Variants in COPS6 observed in about 807,000 individuals in gnomAD.
COPS6 encodes the protein COP9 signalosome subunit 6, also known as COP9 signalosome complex subunit 6.
In COPS6, 9 loss-of-function variants were observed where a neutral mutation model predicts 41.0. The observed-to-expected ratio is 0.22, with a 90% CI of 0.13 to 0.38. The LOEUF (loss-of-function observed/expected upper bound fraction) is 0.38. Among genes scored for constraint, COPS6 ranks in the 10% least tolerant of loss-of-function variants. The pLI is 1.00. For missense variants in COPS6, 302 were observed against 436.7 expected, an observed-to-expected ratio of 0.69 and a Z score of 2.75; for synonymous variants, 179 against 162.9, an observed-to-expected ratio of 1.10 and a Z score of -0.75.
In COPS6 at chr7:100,091,222, C is replaced by T. The variant is rs746808271; in HGVS notation, c.650-16C>T. ...ACATCCCGTCTCAACCTCCTCCTGT[C>T]CTCATCCCCTTGCAGTGGCTGAACA... On this transcript the variant is annotated splice_polypyrimidine_tract_variant and intron_variant, in intron 7 of 9. Coordinates refer to ENST00000303904, the MANE Select transcript of COPS6 (RefSeq NM_006833.5). The surrounding 1 kb of genome is among the most constrained non-coding windows in gnomAD (Gnocchi z 4.1). The T allele has an allele frequency of 3.1e-6, 5 of 1,614,058 alleles. No individual in the cohort carries two copies. In the Admixed American group the frequency reaches 6.7e-5, roughly 22 times the overall value.
At chr7:100,090,349 GAAA>G (rs376860735) in intron 3 of COPS6, 47 bp from the exon 4 acceptor site, 854 of 1,163,104 alleles carry the variant, frequency 7.3e-4, no homozygotes, top group Non-Finnish European at 8.1e-4. Flanking sequence ...TTCCGTCTCA[GAAA>G]AAAAAAAAAA....
At position 100,091,653 on chromosome 7, in the gene COPS6, G is replaced by C. The variant is rs1223236912; in HGVS notation, c.848G>C (p.Cys283Ser). ...GTCCTTTCTGTTCCCTCCCAGCAAT[G>C]CAACGACGTGGGGCTCATGGCCTAC... ...DKFKTDFYDQ[C>S]NDVGLMAYLG... The change falls in exon 10 of 10, where the codon TGC becomes TCC. Residue 283 changes from cysteine (C) to serine (S), a missense_variant. Transcript: ENST00000303904. This position sits in a 1 kb window ranked among gnomAD's most constrained non-coding sequence, Gnocchi z 4.1. 1 of 1,614,220 alleles carries C rather than the reference G, an allele frequency of 6.2e-7. No individual in the cohort carries two copies.
At chr7:100,089,229 A>T (rs1279944470) in intron 1 of COPS6, 61 bp from the exon 2 acceptor site, 16 of 1,562,832 alleles carry the variant, frequency 1.0e-5, no homozygotes, top group Non-Finnish European at 1.4e-5. Flanking sequence ...CCCCACTGCC[A>T]TCTCCAGGGA....
rs1387076140 is a variant in COPS6 at position 100,092,071 on chromosome 7, A to G, written c.*282A>G. On this transcript the variant is annotated 3_prime_UTR_variant, in exon 10 of 10. Coordinates refer to ENST00000303904, the MANE Select transcript of COPS6 (RefSeq NM_006833.5). ...ATGTCAGTCACATGGACTGGTCTTT[A>G]GCAAAGTCCAAGGCTGCCTGCTTCC... 2.2e-6 allele frequency: 1 copy of G among 459,582 alleles called. No homozygotes were observed. Among genetic ancestry groups the G allele is most frequent in the African/African-American group, 2.0e-5 (1 of 51,068 alleles). The allele number at this position is 459,582 out of a possible 1,614,324, so 28.5% of individuals were successfully genotyped here. A position where few individuals can be genotyped will look rare whatever the true frequency, so the allele number is the denominator to read the frequency against.
chr7:100,091,374 G>T lies in COPS6; in HGVS notation c.742+44G>T. On this transcript the variant is annotated intron_variant, in intron 8 of 9. Transcript: ENST00000303904. This position sits in a 1 kb window ranked among gnomAD's most constrained non-coding sequence, Gnocchi z 4.1. ...TGGCATTCTTCCTCTCCCTCCTGGG[G>T]AAGTGACAGCATCCAAACTAATGTA... 2.5e-6 allele frequency: 4 copies of T among 1,613,042 alleles called. No homozygotes were observed. The highest frequency in any genetic ancestry group is 3.4e-6 in the Non-Finnish European group (4 of 1,178,976).
chr7:100,091,032 C>T lies in COPS6; in HGVS notation c.535-6C>T. 6.2e-7 allele frequency: 1 copy of T among 1,614,160 alleles called. No homozygotes were observed. The highest frequency in any genetic ancestry group is 8.5e-7 in the Non-Finnish European group (1 of 1,179,962). On this transcript the variant is annotated splice_polypyrimidine_tract_variant and splice_region_variant and intron_variant, in intron 6 of 9. Transcript: ENST00000303904. The surrounding 1 kb of genome is among the most constrained non-coding windows in gnomAD (Gnocchi z 4.1). ...TTCTCCCTTTGTGGGTTACCTTGCC[C>T]TGTAGGCCACAATGCTGTTTGCTGA...
intron 5 of COPS6, 35 bp from the exon 6 acceptor site, chr7:100,090,867 C>T (rs1795305190): frequency 6.2e-7 from 1 of 1,611,518 alleles, no homozygotes; most frequent in African/African-American, 1.3e-5. Context: ...CAAATGTTGG[C>T]ATATAGTGTT....
Position 100,089,716 on chromosome 7 carries a change from A to C in COPS6, c.304A>C (p.Lys102Gln). 6.2e-7 allele frequency: 1 copy of C among 1,614,086 alleles called. No individual in the cohort carries two copies. Among genetic ancestry groups the C allele is most frequent in the Non-Finnish European group, 8.5e-7 (1 of 1,179,980 alleles). ...HTVEEKIIIDKEYYYTKEEQF... is the reference protein window; with the variant it reads ...HTVEEKIIIDQEYYYTKEEQF... ...CGTGGAAGAGAAGATTATCATTGAC[A>C]AGGAATATTATTACACCAAGGAGGA... is the stretch of plus-strand genomic sequence containing the variant. The change falls in exon 3 of 10, where the codon AAG becomes CAG. Residue 102 changes from lysine to glutamine, a missense_variant. Lys to Gln is a moderately conservative substitution (Grantham distance 53). Around this residue, in one of 3 missense-constraint regions of COPS6, gnomAD observed 222 missense variants for 309.0 expected, o/e 0.72. Coordinates refer to ENST00000303904, the MANE Select transcript of COPS6 (RefSeq NM_006833.5).
At position 100,091,754 on chromosome 7, in the gene COPS6, G is replaced by A; in HGVS notation, c.949G>A (p.Gly317Ser). ...GTTCAATGTCCTCTACGACCGACAA[G>A]GCATCGGCAGGAGAATGCGCGGGCT... ...NKFNVLYDRQ[G>S]IGRRMRGLFF is the part of the protein sequence containing the mutation. Residue 317 changes from glycine (G) to serine (S), a missense_variant, in exon 10 of 10, where the codon GGC becomes AGC. This residue lies in a region of COPS6 where 222 missense variants were observed against 309.0 expected (regional missense o/e 0.72). Transcript: ENST00000303904. The surrounding 1 kb of genome is among the most constrained non-coding windows in gnomAD (Gnocchi z 4.1). The A allele has an allele frequency of 6.2e-7, 1 of 1,614,242 alleles. No individual in the cohort carries two copies. The highest frequency in any genetic ancestry group is 8.5e-7 in the Non-Finnish European group (1 of 1,180,042).
At chr7:100,089,844 G>A in intron 3 of COPS6, 98 bp downstream of exon 3, 1 of 1,216,018 alleles carries the variant, frequency 8.2e-7, no homozygotes, top group Non-Finnish European at 1.1e-6. Flanking sequence ...CAGGAGAGGA[G>A]ACCAAGAACA....
intron 1 of COPS6, 45 bp from the exon 2 acceptor site, chr7:100,089,245 G>T: frequency 1.3e-6 from 2 of 1,586,132 alleles, no homozygotes; most frequent in South Asian, 1.1e-5. Flanking sequence ...AGGGAAGAAC[G>T]TGGGGCCCGG....
Position 100,090,606 on chromosome 7 carries a change from C to A in COPS6, c.438C>A (p.Ile146=). 6.2e-7 allele frequency: 1 copy of A among 1,614,108 alleles called. No homozygotes were observed. The highest frequency in any genetic ancestry group is 8.5e-7 in the Non-Finnish European group (1 of 1,179,972). The change falls in exon 5 of 10, where the codon ATC becomes ATA. Residue 146 remains isoleucine, a synonymous_variant. Coordinates refer to ENST00000303904, the MANE Select transcript of COPS6 (RefSeq NM_006833.5). ...CTCTCTTCCAGGTGTGTGAGATCAT[C>A]GAGAGCCCCCTCTTTCTGAAGTTGA... The part of the protein sequence containing the change: ...IHVHKQVCEI[I]ESPLFLKLNP...
intron 3 of COPS6, chr7:100,089,958 G>C (rs1035432951): frequency 7.6e-6 from 4 of 525,054 alleles, no homozygotes; most frequent in African/African-American, 3.8e-5. Flanking sequence ...GGATAGAAGG[G>C]AGTAGTTATT....
Position 100,090,899 on chromosome 7 carries a change from C to T in COPS6, c.487-3C>T. The T allele has an allele frequency of 6.2e-7, 1 of 1,614,218 alleles. No individual in the cohort carries two copies. The highest frequency in any genetic ancestry group is 8.5e-7 in the Non-Finnish European group (1 of 1,180,018). On this transcript the variant is annotated splice_region_variant and splice_polypyrimidine_tract_variant and intron_variant, in intron 5 of 9. Coordinates refer to ENST00000303904, the MANE Select transcript of COPS6 (RefSeq NM_006833.5). The stretch of plus-strand genomic sequence containing the variant: ...TGTTCAGGTTTCTCCGTCTCCTTCA[C>T]AGCTTCCTGTCAGCGTTTTTGAGTC...
Position 100,091,438 on chromosome 7 carries a change from AT to A in COPS6, c.762del (p.His254GlnfsTer49). The A allele has an allele frequency of 6.2e-7, 1 of 1,614,162 alleles. No individual in the cohort carries two copies. The highest frequency in any genetic ancestry group is 8.5e-7 in the Non-Finnish European group (1 of 1,180,020). ...ASEAGEVPFN[H>X]EILREAYALC... The stretch of plus-strand genomic sequence containing the variant: ...CCTTTAGGAGAGGTCCCCTTTAATC[AT>A]GAGATCCTGCGGGAGGCCTATGCTC... On this transcript the variant is annotated frameshift_variant, in exon 9 of 10. Transcript: ENST00000303904. LOFTEE classifies it high-confidence loss of function. The surrounding 1 kb of genome is among the most constrained non-coding windows in gnomAD (Gnocchi z 4.1).
Position 100,092,029 on chromosome 7 carries a change from C to CCTCCCT in COPS6, c.*241_*242insTCCCTC, listed in dbSNP as rs1376797192. ...ATGCTCTTCAGTGAGGGAGGCACTA[C>CCTCCCT]CATTTGAAGTGACCCCATGTCAGTC... On this transcript the variant is annotated 3_prime_UTR_variant, in exon 10 of 10. Coordinates refer to ENST00000303904, the MANE Select transcript of COPS6 (RefSeq NM_006833.5). 1.5e-5 allele frequency: 8 copies of CCTCCCT among 551,526 alleles called. No individual in the cohort carries two copies. The highest frequency in any genetic ancestry group is 1.3e-4 in the Admixed American group (4 of 31,650). 34.2% of individuals were successfully genotyped at this position (551,526 alleles called of 1,614,324 possible).
At chr7:100,090,163 C>T in intron 3 of COPS6, 2 of 524,446 alleles carry the variant, frequency 3.8e-6, no homozygotes, top group South Asian at 4.3e-5. Flanking sequence ...GCCTGGCAAA[C>T]ATAGTGAAAC....
chr7:100,091,779 T>C lies in COPS6; in HGVS notation c.974T>C (p.Leu325Pro). 2 of 1,614,204 alleles carry C rather than the reference T, an allele frequency of 1.2e-6. No individual in the cohort carries two copies. The highest frequency in any genetic ancestry group is 1.7e-6 in the Non-Finnish European group (2 of 1,180,046). ...RQGIGRRMRG[L>P]FF The stretch of plus-strand genomic sequence containing the variant: ...GGCATCGGCAGGAGAATGCGCGGGC[T>C]CTTTTTCTGATGAGGGTACTTGAAG... The change falls in exon 10 of 10, where the codon CTC becomes CCC. Residue 325 changes from leucine to proline, a missense_variant. By Grantham distance (98) the Leu-to-Pro change is moderately conservative. Coordinates refer to ENST00000303904, the MANE Select transcript of COPS6 (RefSeq NM_006833.5). This position sits in a 1 kb window ranked among gnomAD's most constrained non-coding sequence, Gnocchi z 4.1.
Position 100,089,405 on chromosome 7 carries a change from G to C in COPS6, c.192G>C (p.Arg64=), listed in dbSNP as rs747987937. ...TCCGCATGCGCTCCCAGGAGGGGCG[G>C]CCTGTGCAGGGTGAGTGTTGGGCAT... ...HWIRMRSQEG[R]PVQVIGALIG... The change falls in exon 2 of 10, where the codon CGG becomes CGC. Residue 64 remains arginine (R), a synonymous_variant. Transcript: ENST00000303904. 6.2e-7 allele frequency: 1 copy of C among 1,614,068 alleles called. No homozygotes were observed. The highest frequency in any genetic ancestry group is 2.2e-5 in the East Asian group (1 of 44,876).
Sources: allele counts gnomAD v4.1 joint callset, GRCh38; gene constraint gnomAD v4.1.1; regional missense constraint gnomAD v4.1.1; non-coding constraint Gnocchi (gnomAD v3.1); transcripts MANE v1.5; gene names NCBI Gene and HGNC (gene_info 2026-07-23, HGNC 2026-07-21).